TNIK: variants seen among roughly 807,000 people sequenced by gnomAD.
TNIK encodes the protein TRAF2 and NCK-interacting protein kinase.
Under a neutral mutation model 191.3 loss-of-function variants are expected in TNIK, and 49 were observed. The ratio of observed to expected loss-of-function variants is 0.26; its 90% CI spans 0.20 to 0.32. The LOEUF is 0.32. Ranked by LOEUF, TNIK falls within the 10% of genes least tolerant of loss-of-function variation. The pLI is 1.00. For missense variants in TNIK, 1,155 were observed against 1,702.3 expected (o/e 0.68, Z 5.66); for synonymous variants, 594 against 600.9 (o/e 0.99, Z 0.17).
intron 1 of TNIK, among the ~76,000 whole-genome samples, chr3:171,437,879 A>G (rs560545264): frequency 3.3e-5 from 5 of 152,246 alleles, no homozygotes; most frequent in Non-Finnish European, 7.3e-5. Flanking sequence ...GCCACTAATG[A>G]CAGGTGCTGA....
intron 26 of TNIK, 104 bp from the exon 27 acceptor site, chr3:171,082,498 C>T: frequency 7.6e-7 from 1 of 1,319,954 alleles, no homozygotes; most frequent in Non-Finnish European, 1.0e-6. Flanking sequence ...TAAATATACA[C>T]TAATGGGCAA....
chr3:171,325,703 A>C (rs1209263607), intron 2 of TNIK, among the ~76,000 whole-genome samples: 1 of 152,250 alleles, frequency 6.6e-6, no homozygotes, highest in Non-Finnish European at 1.5e-5. Context: ...AGCCAAGGTC[A>C]GTAAACTATC....
At chr3:171,107,129 TAAGTTTAA>T in intron 21 of TNIK, 46 bp downstream of exon 21, 1 of 1,566,354 alleles carries the variant, frequency 6.4e-7, no homozygotes, top group Non-Finnish European at 8.7e-7. Flanking sequence ...CATTAGGAAA[TAAGTTTAA>T]TATTTACATT....
intron 2 of TNIK, among the ~76,000 whole-genome samples, chr3:171,231,697 T>G (rs1403109854): frequency 6.6e-6 from 1 of 152,182 alleles, no homozygotes; most frequent in Non-Finnish European, 1.5e-5. Flanking sequence ...TTGGAGGGAA[T>G]GGCAGGGAGT....
intron 1 of TNIK, among the ~76,000 whole-genome samples, chr3:171,411,031 C>T (rs1164616114): frequency 6.6e-6 from 1 of 151,382 alleles, no homozygotes; most frequent in Non-Finnish European, 1.5e-5. Flanking sequence ...GATTTGTGCA[C>T]ATGTAGATGT....
chr3:171,291,992 C>T (rs13089064), intron 2 of TNIK, among the ~76,000 whole-genome samples: 1 of 152,134 alleles, frequency 6.6e-6, no homozygotes, highest in African/African-American at 2.4e-5. Flanking sequence ...TTCCTCATTA[C>T]TTCTACTGTG....
chr3:171,069,351 C>T (rs1160100874), intron 29 of TNIK, among the ~76,000 whole-genome samples: 5 of 151,568 alleles, frequency 3.3e-5, no homozygotes, highest in Non-Finnish European at 4.4e-5. Flanking sequence ...ACCTCTCTGG[C>T]CCCCCTCTTT....
At chr3:171,327,906 A>T (rs1320902021) in intron 2 of TNIK, among the ~76,000 whole-genome samples, 5 of 54,096 alleles carry the variant, frequency 9.2e-5, no homozygotes, top group Admixed American at 4.0e-4. Flanking sequence ...CTCATAAAAA[A>T]AAAAAAAAAA....
chr3:171,197,704 A>T (rs1738882701), intron 4 of TNIK, among the ~76,000 whole-genome samples: 1 of 152,216 alleles, frequency 6.6e-6, no homozygotes, highest in African/African-American at 2.4e-5. Flanking sequence ...CCACAATGAG[A>T]TATCACTTTA....
intron 22 of TNIK, among the ~76,000 whole-genome samples, chr3:171,099,921 A>G (rs1723223931): frequency 6.6e-6 from 1 of 152,184 alleles, no homozygotes; most frequent in South Asian, 2.1e-4. Flanking sequence ...TGTTCCTCCA[A>G]ATGTTTATAT....
At chr3:171,346,294 T>C (rs563850835) in intron 2 of TNIK, among the ~76,000 whole-genome samples, 1 of 152,314 alleles carries the variant, frequency 6.6e-6, no homozygotes, top group South Asian at 2.1e-4. Context: ...TTTATGATTT[T>C]TGAAGAAAAA....
At chr3:171,092,170 G>A (rs183373205) in intron 23 of TNIK, among the ~76,000 whole-genome samples, 74 of 152,012 alleles carry the variant, frequency 4.9e-4, no homozygotes, top group African/African-American at 1.3e-3. Flanking sequence ...GGATGGTCTC[G>A]ATCTCCTGAT....
chr3:171,117,706 C>T (rs1399317180), intron 18 of TNIK, among the ~76,000 whole-genome samples: 2 of 152,114 alleles, frequency 1.3e-5, no homozygotes, highest in African/African-American at 4.8e-5. Flanking sequence ...CGCGGTGGCT[C>T]ACACCTGTAA....
intron 26 of TNIK, among the ~76,000 whole-genome samples, chr3:171,083,151 A>C (rs1560084546): frequency 6.6e-6 from 1 of 152,134 alleles, no homozygotes; most frequent in Non-Finnish European, 1.5e-5. Flanking sequence ...ACACACACAC[A>C]CATTGAGAGG....
At chr3:171,218,752 G>A (rs1199443614) in intron 3 of TNIK, among the ~76,000 whole-genome samples, 2 of 141,454 alleles carry the variant, frequency 1.4e-5, no homozygotes, top group Non-Finnish European at 3.0e-5. Flanking sequence ...CACTATATAT[G>A]CATTATATAT....
intron 16 of TNIK, among the ~76,000 whole-genome samples, chr3:171,127,418 A>G (rs975603063): frequency 7.2e-5 from 11 of 152,042 alleles, no homozygotes; most frequent in South Asian, 6.2e-4. Flanking sequence ...ACCCACTTTA[A>G]AAGAGCCAAA....
intron 1 of TNIK, among the ~76,000 whole-genome samples, chr3:171,371,732 A>G (rs2108497394): frequency 1.3e-5 from 2 of 152,312 alleles, no homozygotes; most frequent in Middle Eastern, 6.8e-3. Flanking sequence ...CCATTAGAGC[A>G]GCAGGTTTTA....
At chr3:171,260,043 G>A (rs1032593626) in intron 2 of TNIK, among the ~76,000 whole-genome samples, 18 of 152,176 alleles carry the variant, frequency 1.2e-4, no homozygotes, top group Non-Finnish European at 2.1e-4. Context: ...AGTCAGTTTA[G>A]CTAGAACCAC....
chr3:171,146,354 GA>G (rs1438873595), intron 12 of TNIK, among the ~76,000 whole-genome samples: 1 of 152,168 alleles, frequency 6.6e-6, no homozygotes, highest in Non-Finnish European at 1.5e-5. Context: ...GCCAAAAAAT[GA>G]GAAACAAATC....
Sources: gnomAD v4.1 joint callset for allele counts (sites outside exome capture counted in the v4.1 genomes callset) on GRCh38, gnomAD v4.1.1 for gene constraint, MANE v1.5 for transcripts, NCBI Gene and HGNC (gene_info 2026-07-23, HGNC 2026-07-21) for gene names.